The following GALNTL6 variants were observed in gnomAD, a reference collection of about 807,000 sequenced individuals.
GALNTL6 encodes polypeptide N-acetylgalactosaminyltransferase-like 6.
In GALNTL6, 46 loss-of-function variants were observed where a neutral mutation model predicts 73.7. That is an observed-to-expected ratio of 0.62 (90% CI 0.49 to 0.80). The LOEUF is 0.80. GALNTL6 is among the 30% of genes least tolerant of loss of function. The pLI, the probability that GALNTL6 is intolerant of heterozygous loss-of-function variation, is 0.00. For missense variants in GALNTL6, 604 were observed against 755.0 expected, an observed-to-expected ratio of 0.80 and a Z score of 2.34; for synonymous variants, 259 against 263.7, an observed-to-expected ratio of 0.98 and a Z score of 0.17.
At chr4:172,969,829 G>A (rs566608832) in intron 10 of GALNTL6, among the ~76,000 whole-genome samples, 2 of 152,266 alleles carry the variant, frequency 1.3e-5, no homozygotes, top group South Asian at 2.1e-4. Flanking sequence ...GGGCAAAGCC[G>A]TCATGAATGC....
At chr4:172,134,373 A>G (rs1460599564) in intron 2 of GALNTL6, among the ~76,000 whole-genome samples, 1 of 142,868 alleles carries the variant, frequency 7.0e-6, no homozygotes, top group Non-Finnish European at 1.6e-5. Context: ...CAACAGAGCG[A>G]GACTCCTCTA....
intron 2 of GALNTL6, among the ~76,000 whole-genome samples, chr4:172,178,677 T>C (rs1735130280): frequency 6.9e-6 from 1 of 145,572 alleles, no homozygotes; most frequent in African/African-American, 2.6e-5. Flanking sequence ...TATTATACTT[T>C]AAGTTTTAGG....
Position 172,465,008 on chromosome 4 carries a change from G to A in GALNTL6, c.553+116319G>A, listed in dbSNP as rs532198937. On this transcript the variant is annotated intron_variant, in intron 5 of 12. Coordinates refer to ENST00000506823, the MANE Select transcript of GALNTL6 (RefSeq NM_001034845.3). ...AATAAATATTTTTAAGTGAAACATC[G>A]TAATGAAAAAAACAATACTGATTTT... is the stretch of plus-strand genomic sequence containing the variant. Among the ~76,000 whole-genome samples the A allele has an allele frequency of 1.1e-4, 17 of 152,132 alleles. No individual in the cohort carries two copies. The East Asian group carries it at 1.2e-3, about 10-fold the overall frequency.
intron 7 of GALNTL6, among the ~76,000 whole-genome samples, chr4:172,833,785 TC>T (rs1742764131): frequency 6.6e-6 from 1 of 152,170 alleles, no homozygotes; most frequent in African/African-American, 2.4e-5. Context: ...GGCAAAAACT[TC>T]TTTCCACAGA....
chr4:172,823,695 G>T (rs1035751536), intron 7 of GALNTL6, among the ~76,000 whole-genome samples: 3 of 152,168 alleles, frequency 2.0e-5, no homozygotes, highest in South Asian at 2.1e-4. Context: ...AGAAAAGGAA[G>T]AAATGAAGAA....
chr4:172,447,668 C>G (rs1232515922), intron 5 of GALNTL6, among the ~76,000 whole-genome samples: 1 of 152,080 alleles, frequency 6.6e-6, no homozygotes, highest in Non-Finnish European at 1.5e-5. Flanking sequence ...GAAAATGGCC[C>G]TATACATCGT....
At chr4:171,935,626 C>T (rs556527675) in intron 2 of GALNTL6, among the ~76,000 whole-genome samples, 2 of 152,252 alleles carry the variant, frequency 1.3e-5, no homozygotes, top group Non-Finnish European at 2.9e-5. Flanking sequence ...CATGCCACCA[C>T]GCCTAGCTAA....
At chr4:171,923,827 T>TGTGTGTGTGTG (rs1560843047) in intron 2 of GALNTL6, among the ~76,000 whole-genome samples, 33 of 149,328 alleles carry the variant, frequency 2.2e-4, no homozygotes, top group East Asian at 4.0e-4. Context: ...TGTGTGTGTG[T>TGTGTGTGTGTG]TTGAAGTTCT....
At chr4:172,357,632 TATACAC>T (rs1485195814) in intron 5 of GALNTL6, among the ~76,000 whole-genome samples, 8 of 7,652 alleles carry the variant, frequency 1.0e-3, no homozygotes, top group Admixed American at 2.5e-3. Context: ...TATATAGATA[TATACAC>T]ACACACACAC....
chr4:172,489,329 C>A (rs1733814829), intron 5 of GALNTL6, among the ~76,000 whole-genome samples: 1 of 152,056 alleles, frequency 6.6e-6, no homozygotes. Flanking sequence ...AACCCATAAA[C>A]AAATAGTGAG....
chr4:172,696,925 C>T (rs2111276038), intron 5 of GALNTL6, among the ~76,000 whole-genome samples: 1 of 152,304 alleles, frequency 6.6e-6, no homozygotes, highest in Middle Eastern at 3.4e-3. Context: ...ATGAGTTTTT[C>T]TTACATGACT....
chr4:172,073,256 G>C (rs1482835373), intron 2 of GALNTL6, among the ~76,000 whole-genome samples: 1 of 152,054 alleles, frequency 6.6e-6, no homozygotes, highest in Non-Finnish European at 1.5e-5. Flanking sequence ...ATAAAAGCTC[G>C]TGCAAGCCCT....
chr4:172,620,966 T>A (rs970346946), intron 5 of GALNTL6, among the ~76,000 whole-genome samples: 8 of 152,172 alleles, frequency 5.3e-5, no homozygotes, highest in African/African-American at 1.9e-4. Context: ...AAGAGATGCA[T>A]CTTTGGGTGG....
At chr4:172,670,239 A>G (rs1731899537) in intron 5 of GALNTL6, among the ~76,000 whole-genome samples, 1 of 152,192 alleles carries the variant, frequency 6.6e-6, no homozygotes, top group Non-Finnish European at 1.5e-5. Context: ...ACTGTCTTCT[A>G]CAATAACTGA....
rs1453589106 is a variant in GALNTL6, at chr4:173,041,164, G to A, written c.*1064G>A. On this transcript the variant is annotated 3_prime_UTR_variant, in exon 13 of 13. Transcript: ENST00000506823. ...AGCTTAGAAGTGGTTTTATTTGTTC[G>A]TTTGTTTGGGTTTTGCTTTTGTTTT... The A allele has an allele frequency of 6.6e-6, 1 of 150,394 alleles. No homozygotes were observed. The highest frequency in any genetic ancestry group is 1.5e-5 in the Non-Finnish European group (1 of 67,552). The allele number at this position is 150,394 out of a possible 1,614,324, so 9.3% of individuals were successfully genotyped here.
intron 5 of GALNTL6, among the ~76,000 whole-genome samples, chr4:172,775,203 T>C (rs1029052691): frequency 5.9e-5 from 9 of 152,290 alleles, no homozygotes; most frequent in Admixed American, 1.3e-4. Context: ...AAATTTTGTA[T>C]GTCTCTTAGA....
chr4:172,826,967 A>G (rs1389245785), intron 7 of GALNTL6, among the ~76,000 whole-genome samples: 1 of 152,162 alleles, frequency 6.6e-6, no homozygotes, highest in Non-Finnish European at 1.5e-5. Context: ...TCATGGGCCA[A>G]GTCACAGTGG....
chr4:172,143,765 T>G (rs1353139461), intron 2 of GALNTL6, among the ~76,000 whole-genome samples: 1 of 152,136 alleles, frequency 6.6e-6, no homozygotes, highest in African/African-American at 2.4e-5. Flanking sequence ...ATTTTTATAG[T>G]CAATACTTAC....
chr4:172,957,511 C>T (rs1749806581), intron 10 of GALNTL6, among the ~76,000 whole-genome samples: 1 of 152,204 alleles, frequency 6.6e-6, no homozygotes, highest in South Asian at 2.1e-4. Context: ...GCAACGCTAG[C>T]TGCTTTTTTA....
Sources: gnomAD v4.1 joint callset for allele counts (sites outside exome capture counted in the v4.1 genomes callset) on GRCh38, gnomAD v4.1.1 for gene constraint, MANE v1.5 for transcripts, NCBI Gene and HGNC (gene_info 2026-07-23, HGNC 2026-07-21) for gene names.